The following ZNF568 variants were observed in gnomAD, a reference collection of about 807,000 sequenced individuals.
ZNF568 encodes the protein p53 inhibitor of SCO2 activation.
Under a neutral mutation model 18.1 loss-of-function variants are expected in ZNF568, and 11 were observed. The observed-to-expected ratio is 0.61, with a 90% CI of 0.38 to 1.00. The LOEUF is 1.00. Among genes scored for constraint, ZNF568 ranks in the 50% least tolerant of loss-of-function variants. The pLI, the probability that ZNF568 is intolerant of heterozygous loss-of-function variation, is 0.01. For missense variants in ZNF568, 639 were observed against 768.2 expected, an observed-to-expected ratio of 0.83 and a Z score of 1.99; for synonymous variants, 213 against 246.6, an observed-to-expected ratio of 0.86 and a Z score of 1.28.
At position 36,946,753 on chromosome 19, in the gene ZNF568, C is replaced by T. The variant is rs141616870; in HGVS notation, c.359-2759C>T. ...CCACAACCTCCGCCTCCCAGGTTCACGCGATTCTCCTGCCTCAGCCTCCCA... is the reference window on the plus strand; with the variant it reads ...CCACAACCTCCGCCTCCCAGGTTCATGCGATTCTCCTGCCTCAGCCTCCCA... On this transcript the variant is annotated intron_variant, in intron 6 of 6. Coordinates refer to ENST00000333987, the MANE Select transcript of ZNF568 (RefSeq NM_198539.4). 2.1e-5 allele frequency among the ~76,000 whole-genome samples: 3 copies of T among 145,852 alleles called. No homozygotes were observed. The East Asian group carries it at 6.4e-4, about 31-fold the overall frequency.
chr19:36,920,650 G>T (rs1316376859), intron 2 of ZNF568, among the ~76,000 whole-genome samples: 1 of 151,310 alleles, frequency 6.6e-6, no homozygotes. Context: ...AGCTTATAAA[G>T]TAACAAAGTT....
downstream of ZNF568, among the ~76,000 whole-genome samples, chr19:36,982,378 C>T (rs1236098053): frequency 6.6e-6 from 1 of 151,964 alleles, no homozygotes; most frequent in Non-Finnish European, 1.5e-5. Flanking sequence ...AGGAATATTG[C>T]ATTTTTAAAA....
In ZNF568 at chr19:36,925,270, G is replaced by A; in HGVS notation, c.135+12G>A. 1.2e-6 allele frequency: 2 copies of A among 1,612,922 alleles called. No individual in the cohort carries two copies. The highest frequency in any genetic ancestry group is 2.2e-5 in the South Asian group (2 of 90,998). Reference sequence around the variant, plus strand: ...CAACCAGGCCTCTTGTACGTCTTAAGCATTTATTTGTTTCCTGCATTATTT... The same window carrying A: ...CAACCAGGCCTCTTGTACGTCTTAAACATTTATTTGTTTCCTGCATTATTT... On this transcript the variant is annotated intron_variant, in intron 4 of 6. Transcript: ENST00000333987.
Position 36,992,911 on chromosome 19 carries a change from G to T in ZNF568, c.229+1065G>T, listed in dbSNP as rs548953208. Among the ~76,000 whole-genome samples, 7 of 152,166 alleles carry T rather than the reference G, an allele frequency of 4.6e-5. No homozygotes were observed. The East Asian group carries it at 1.2e-3, about 25-fold the overall frequency. On this transcript the variant is annotated intron_variant, in intron 4 of 4. Transcript: ENST00000433993. The stretch of plus-strand genomic sequence containing the variant: ...TCACACAACATATAATTTATGACTG[G>T]CTTTTTTCACTTACCAGAATGTTTT...
At chr19:36,991,187 C>T in exon 3 of ZNF568, 1 of 1,535,144 alleles carries the variant, frequency 6.5e-7, no homozygotes, top group East Asian at 2.4e-5. Flanking sequence ...GCTTGAAGTT[C>T]AAAGATGTGG....
intron 7 of ZNF568, among the ~76,000 whole-genome samples, chr19:36,975,408 A>C (rs779130896): frequency 6.6e-6 from 1 of 150,954 alleles, no homozygotes; most frequent in Non-Finnish European, 1.5e-5. Flanking sequence ...AGGCCTCCCA[A>C]TGGAGCCTTG....
chr19:36,929,684 CA>C (rs35496094), intron 4 of ZNF568, among the ~76,000 whole-genome samples: 66,248 of 114,548 alleles, frequency 0.58, 17,215 homozygotes, highest in African/African-American at 0.67. Context: ...GACTCCGTCT[CA>C]AAAAAAAAAA....
chr19:36,919,228 C>A (rs2073408274), intron 2 of ZNF568, among the ~76,000 whole-genome samples: 1 of 152,070 alleles, frequency 6.6e-6, no homozygotes. Flanking sequence ...TGAGCACCTA[C>A]TATGAATATC....
chr19:36,931,055 C>T (rs2073679029), intron 4 of ZNF568, among the ~76,000 whole-genome samples: 1 of 152,178 alleles, frequency 6.6e-6, no homozygotes, highest in Non-Finnish European at 1.5e-5. Context: ...GTGGGCATCT[C>T]TGCTTTGGGC....
Position 36,937,248 on chromosome 19 carries a change from T to A in ZNF568, c.358+6T>A, listed in dbSNP as rs762451577. The A allele has an allele frequency of 1.6e-5, 26 of 1,611,618 alleles. No individual in the cohort carries two copies. The highest frequency in any genetic ancestry group is 1.7e-5 in the Non-Finnish European group (20 of 1,178,476). On this transcript the variant is annotated splice_donor_region_variant and intron_variant, in intron 6 of 6. Coordinates refer to ENST00000333987, the MANE Select transcript of ZNF568 (RefSeq NM_198539.4). The stretch of plus-strand genomic sequence containing the variant: ...GTTTGGGAGGCACTGTCCAGGTGAA[T>A]AAGTGAAAAGCAGCTCTGAATGAGA...
At chr19:36,971,286 T>C (rs539205382) in intron 6 of ZNF568, among the ~76,000 whole-genome samples, 3 of 150,970 alleles carry the variant, frequency 2.0e-5, no homozygotes, top group Non-Finnish European at 4.4e-5. Flanking sequence ...GCATTTCTAA[T>C]GTTTTTGCTT....
chr19:36,997,549 G>A (rs1414640543), downstream of ZNF568: 12 of 1,585,178 alleles, frequency 7.6e-6, no homozygotes, highest in East Asian at 2.3e-5. Flanking sequence ...GAAACCCTAC[G>A]AGTGTAAGGA....
chr19:36,931,057 G>C (rs577597360), intron 4 of ZNF568, among the ~76,000 whole-genome samples: 27 of 152,262 alleles, frequency 1.8e-4, no homozygotes, highest in Non-Finnish European at 3.5e-4. Context: ...GGGCATCTCT[G>C]CTTTGGGCTG....
In ZNF568 at chr19:36,951,176, T is replaced by C. The variant is rs4806380; in HGVS notation, c.*88T>C. The C allele has an allele frequency of 0.2, 267,453 of 1,318,160 alleles. 27,434 individuals carry two copies. Among genetic ancestry groups the C allele is most frequent in the South Asian group, 0.29 (16,110 of 56,232 alleles). The allele number at this position is 1,318,160 out of a possible 1,614,324, so 81.7% of individuals were successfully genotyped here. ...AAAAGCCAGGATCTTTATGGAAAAATTTTAATACTTTGTTAAAAGGTGTAA... is the reference window on the plus strand; with the variant it reads ...AAAAGCCAGGATCTTTATGGAAAAACTTTAATACTTTGTTAAAAGGTGTAA... On this transcript the variant is annotated 3_prime_UTR_variant, in exon 7 of 7. Transcript: ENST00000333987.
chr19:36,938,070 G>A (rs2073819733), intron 6 of ZNF568, among the ~76,000 whole-genome samples: 2 of 152,054 alleles, frequency 1.3e-5, no homozygotes, highest in Admixed American at 6.5e-5. Context: ...AGAAAAACCT[G>A]TTGGAATTTT....
chr19:36,985,062 T>C (rs1337767682), intron 2 of ZNF568, among the ~76,000 whole-genome samples: 1 of 152,134 alleles, frequency 6.6e-6, no homozygotes, highest in Non-Finnish European at 1.5e-5. Flanking sequence ...GTTAAATATC[T>C]ATTAAGCCAT....
Position 36,974,573 on chromosome 19 carries a change from G to C in ZNF568, c.405+107G>C, listed in dbSNP as rs1037396815. The C allele has an allele frequency of 2.3e-5, 27 of 1,187,628 alleles. No homozygotes were observed. In the South Asian group the frequency reaches 3.6e-4, roughly 16 times the overall value. 73.6% of individuals were successfully genotyped at this position (1,187,628 alleles called of 1,614,324 possible). On this transcript the variant is annotated intron_variant, in intron 7 of 7. Coordinates refer to the ZNF568 transcript ENST00000427117. Reference sequence around the variant, plus strand: ...TTTACATTCATGATTTGGACAAAGGGGAAGAGGGGAGGAAACTGCATTTAT... The same window carrying C: ...TTTACATTCATGATTTGGACAAAGGCGAAGAGGGGAGGAAACTGCATTTAT...
intron 4 of ZNF568, among the ~76,000 whole-genome samples, chr19:36,926,663 G>T (rs1223306607): frequency 2.0e-5 from 3 of 152,108 alleles, no homozygotes; most frequent in Non-Finnish European, 4.4e-5. Context: ...GTCTGCCATT[G>T]GTTGAATCCA....
intron 4 of ZNF568, among the ~76,000 whole-genome samples, chr19:36,996,071 T>A (rs1268501600): frequency 6.6e-6 from 1 of 152,108 alleles, no homozygotes; most frequent in African/African-American, 2.4e-5. Flanking sequence ...TCTTTAAATG[T>A]ATCAGAGATG....
Sources: gnomAD v4.1 joint callset for allele counts (sites outside exome capture counted in the v4.1 genomes callset) on GRCh38, gnomAD v4.1.1 for gene constraint, MANE v1.5 for transcripts, NCBI Gene and HGNC (gene_info 2026-07-23, HGNC 2026-07-21) for gene names.